The following SUGCT variants were observed in gnomAD, a reference collection of about 807,000 sequenced individuals.
SUGCT encodes succinyl-CoA:glutarate CoA-transferase.
SUGCT carries 41 observed loss-of-function variants against 55.0 expected under a neutral mutation model. That is an observed-to-expected ratio of 0.74 (90% CI 0.58 to 0.97). The LOEUF (loss-of-function observed/expected upper bound fraction) is 0.97, where lower values mean the gene tolerates loss of function less well. Among genes scored for constraint, SUGCT ranks in the 50% least tolerant of loss-of-function variants. SUGCT has a pLI of 0.00. For missense variants in SUGCT, 568 were observed against 547.8 expected (o/e 1.04, Z -0.37); for synonymous variants, 187 against 200.4 (o/e 0.93, Z 0.56).
chr7:40,613,443 C>T (rs1021463422), intron 12 of SUGCT, among the ~76,000 whole-genome samples: 4 of 152,196 alleles, frequency 2.6e-5, no homozygotes, highest in Non-Finnish European at 5.9e-5. Flanking sequence ...TTTTCCCCAA[C>T]TGGGATAGAT....
intron 9 of SUGCT, among the ~76,000 whole-genome samples, chr7:40,364,797 G>C (rs925436406): frequency 6.6e-6 from 1 of 151,970 alleles, no homozygotes; most frequent in African/African-American, 2.4e-5. Flanking sequence ...AAGAGTCCAG[G>C]ACCAGATGGA....
rs1788695051 is a variant in SUGCT, at chr7:40,764,740, C to T, written c.1153+15243C>T. ...CATTGAACTGGCTAAGGAGTTTTCC[C>T]TGTCAACCTTCCTGATAGAGGTAGT... On this transcript the variant is annotated intron_variant, in intron 13 of 13. Coordinates refer to ENST00000335693, the MANE Select transcript of SUGCT (RefSeq NM_001193313.2). Among the ~76,000 whole-genome samples the T allele has an allele frequency of 2.0e-5, 3 of 152,154 alleles. No individual in the cohort carries two copies. In the South Asian group the frequency reaches 6.2e-4, roughly 32 times the overall value.
At chr7:40,172,209 C>T (rs1267416397) in intron 1 of SUGCT, among the ~76,000 whole-genome samples, 2 of 151,998 alleles carry the variant, frequency 1.3e-5, no homozygotes, top group Non-Finnish European at 2.9e-5. Flanking sequence ...GCCAAGGAGC[C>T]GAGGCTTGGA....
At chr7:40,745,378 G>T (rs941821330) in intron 12 of SUGCT, among the ~76,000 whole-genome samples, 1 of 150,986 alleles carries the variant, frequency 6.6e-6, no homozygotes, top group Non-Finnish European at 1.5e-5. Context: ...TTTTTCTTCT[G>T]CCATTTCTGC....
At chr7:40,228,325 T>G (rs146442550) in intron 6 of SUGCT, among the ~76,000 whole-genome samples, 86 of 152,332 alleles carry the variant, frequency 5.6e-4, no homozygotes, top group African/African-American at 2.0e-3. Flanking sequence ...GTAGTTGAGT[T>G]ATATATTTCT....
At chr7:40,502,733 G>A (rs751420184) in intron 12 of SUGCT, among the ~76,000 whole-genome samples, 8 of 151,990 alleles carry the variant, frequency 5.3e-5, no homozygotes, top group Admixed American at 1.3e-4. Context: ...CAATGTTGGC[G>A]GGATCAAGCT....
the SUGCT span, among the ~76,000 whole-genome samples, chr7:40,956,723 T>C: frequency 2.0e-5 from 3 of 152,190 alleles, no homozygotes; most frequent in South Asian, 6.2e-4. Context: ...GGGGCAATTT[T>C]AGATCTTTCC....
intron 12 of SUGCT, among the ~76,000 whole-genome samples, chr7:40,698,815 G>A (rs1490796504): frequency 1.3e-5 from 2 of 152,126 alleles, no homozygotes; most frequent in African/African-American, 2.4e-5. Context: ...GGATGCCTGC[G>A]ATTTTGGTAT....
intron 12 of SUGCT, among the ~76,000 whole-genome samples, chr7:40,591,870 A>G (rs576310949): frequency 2.6e-5 from 4 of 152,364 alleles, no homozygotes; most frequent in African/African-American, 9.6e-5. Context: ...ATAATGTTCA[A>G]TATAGTGTAA....
At chr7:40,709,476 G>A (rs1785591526) in intron 12 of SUGCT, among the ~76,000 whole-genome samples, 1 of 152,210 alleles carries the variant, frequency 6.6e-6, no homozygotes, top group Non-Finnish European at 1.5e-5. Flanking sequence ...GCCTTGGTCT[G>A]GTCCCCAGGC....
chr7:40,805,145 T>C (rs546202133), intron 13 of SUGCT, among the ~76,000 whole-genome samples: 4 of 152,296 alleles, frequency 2.6e-5, no homozygotes, highest in African/African-American at 9.6e-5. Flanking sequence ...CCTGGATCAA[T>C]TTTCCCATGC....
chr7:40,157,869 G>A (rs1783971441), intron 1 of SUGCT, among the ~76,000 whole-genome samples: 1 of 152,182 alleles, frequency 6.6e-6, no homozygotes, highest in South Asian at 2.1e-4. Context: ...GAAGTGGCTT[G>A]TTTTAAAGGG....
chr7:40,315,847 G>T (rs1795399254), intron 8 of SUGCT, among the ~76,000 whole-genome samples: 1 of 152,136 alleles, frequency 6.6e-6, no homozygotes, highest in South Asian at 2.1e-4. Flanking sequence ...GGAATCCATG[G>T]AAAATCATTT....
chr7:40,647,800 G>T (rs961160337), intron 12 of SUGCT, among the ~76,000 whole-genome samples: 2 of 151,346 alleles, frequency 1.3e-5, no homozygotes, highest in African/African-American at 4.9e-5. Flanking sequence ...GCAGTGAGCA[G>T]AGATTGAGCC....
intron 13 of SUGCT, among the ~76,000 whole-genome samples, chr7:40,750,063 C>T (rs540689825): frequency 3.3e-5 from 5 of 152,170 alleles, no homozygotes; most frequent in Non-Finnish European, 5.9e-5. Context: ...CTGCCTAAGC[C>T]GAAATGCCAG....
At chr7:40,219,606 G>C (rs1787909062) in intron 6 of SUGCT, among the ~76,000 whole-genome samples, 1 of 152,082 alleles carries the variant, frequency 6.6e-6, no homozygotes, top group African/African-American at 2.4e-5. Context: ...CAGGCCATGT[G>C]AATGGAGATT....
chr7:40,377,177 T>C (rs1462043000), intron 9 of SUGCT, among the ~76,000 whole-genome samples: 4 of 16,714 alleles, frequency 2.4e-4, no homozygotes, highest in South Asian at 9.2e-3. Context: ...TTTCTTTCTT[T>C]CTTTCTTTCT....
chr7:40,739,307 T>G (rs1287825361), intron 12 of SUGCT, among the ~76,000 whole-genome samples: 1 of 152,162 alleles, frequency 6.6e-6, no homozygotes, highest in African/African-American at 2.4e-5. Context: ...TTCTAGAATG[T>G]TGTCATTTCA....
intron 9 of SUGCT, among the ~76,000 whole-genome samples, chr7:40,413,726 G>A (rs1458291788): frequency 6.6e-6 from 1 of 152,072 alleles, no homozygotes; most frequent in African/African-American, 2.4e-5. Context: ...AATAAGGGAA[G>A]CAGGAAAATC....
Sources: allele counts gnomAD v4.1 joint callset (sites outside exome capture counted in the v4.1 genomes callset), GRCh38; gene constraint gnomAD v4.1.1; transcripts MANE v1.5; gene names NCBI Gene and HGNC (gene_info 2026-07-23, HGNC 2026-07-21).